IQCM: variants seen among roughly 807,000 people sequenced by gnomAD.
The protein encoded by IQCM is IQ motif containing M.
In IQCM, 45 loss-of-function variants were observed where a neutral mutation model predicts 57.6. The ratio of observed to expected loss-of-function variants is 0.78; its 90% CI spans 0.62 to 1.00. The LOEUF is 1.00. Among genes scored for constraint, IQCM ranks in the 50% least tolerant of loss-of-function variants. IQCM has a pLI of 0.00. For missense variants in IQCM, 468 were observed against 511.6 expected (o/e 0.91, Z 0.82); for synonymous variants, 148 against 158.9 (o/e 0.93, Z 0.51).
chr4:149,543,913 A>G lies in IQCM; in HGVS notation c.1228+4542T>C, dbSNP rs76113664. 2.4e-4 allele frequency among the ~76,000 whole-genome samples: 36 copies of G among 152,306 alleles called. No homozygotes were observed. In the East Asian group the frequency reaches 6.9e-3, roughly 29 times the overall value. On this transcript the variant is annotated intron_variant, in intron 12 of 13. Transcript: ENST00000636793. ...GATGCTTCTACAAATAGGTGAACAAATATTTATCAAAGTCTAAAAAATTGT... is the reference window on the plus strand; with the variant it reads ...GATGCTTCTACAAATAGGTGAACAAGTATTTATCAAAGTCTAAAAAATTGT...
intron 12 of IQCM, among the ~76,000 whole-genome samples, chr4:149,544,619 G>T (rs1748194982): frequency 6.6e-6 from 1 of 152,120 alleles, no homozygotes; most frequent in South Asian, 2.1e-4. Context: ...AAAGCTAGTG[G>T]CAACACATTT....
At chr4:149,602,304 C>T (rs1754388500) in intron 8 of IQCM, among the ~76,000 whole-genome samples, 1 of 152,046 alleles carries the variant, frequency 6.6e-6, no homozygotes, top group African/African-American at 2.4e-5. Context: ...CAATTCAGAA[C>T]CTCGAATACT....
intron 12 of IQCM, among the ~76,000 whole-genome samples, chr4:149,497,198 C>T (rs1369418723): frequency 6.6e-6 from 1 of 152,048 alleles, no homozygotes; most frequent in Non-Finnish European, 1.5e-5. Flanking sequence ...CAGCTGGATC[C>T]TGGGCTTTCT....
In IQCM at chr4:149,636,403, G is replaced by A. The variant is rs573478283; in HGVS notation, c.566-15159C>T. 1.5e-3 allele frequency among the ~76,000 whole-genome samples: 236 copies of A among 152,264 alleles called. 1 individual carries two copies. The highest frequency in any genetic ancestry group is 5.5e-3 in the African/African-American group (229 of 41,554). On this transcript the variant is annotated intron_variant, in intron 7 of 13. Coordinates refer to ENST00000636793, the MANE Select transcript of IQCM (RefSeq NM_001363507.2). ...CCTACTCTTACGTAGGGCTTCCACT[G>A]ACTGGCAACAAGAAAGACTGGTGGC...
At chr4:149,625,297 T>G (rs1224920829) in intron 7 of IQCM, among the ~76,000 whole-genome samples, 1 of 152,222 alleles carries the variant, frequency 6.6e-6, no homozygotes, top group African/African-American at 2.4e-5. Flanking sequence ...CCACCTTCTT[T>G]TGTTTGTTTA....
At position 149,724,853 on chromosome 4, in the gene IQCM, T is replaced by C. The variant is rs377059289; in HGVS notation, c.385+8391A>G. On this transcript the variant is annotated intron_variant, in intron 5 of 13. Coordinates refer to ENST00000636793, the MANE Select transcript of IQCM (RefSeq NM_001363507.2). The stretch of plus-strand genomic sequence containing the variant: ...ACTAACATTAATATTTTATATATAT[T>C]ACAAAAACATTGATTTTACATGAAA... 5.3e-5 allele frequency among the ~76,000 whole-genome samples: 8 copies of C among 152,042 alleles called. No individual in the cohort carries two copies. In the East Asian group the frequency reaches 5.8e-4, roughly 11 times the overall value.
At chr4:149,676,090 A>G (rs1163451994) in intron 7 of IQCM, among the ~76,000 whole-genome samples, 1 of 152,086 alleles carries the variant, frequency 6.6e-6, no homozygotes, top group Non-Finnish European at 1.5e-5. Flanking sequence ...CAAAAGCTTT[A>G]CAATGATCAG....
At chr4:149,369,674 C>T (rs545979514) in intron 13 of IQCM, among the ~76,000 whole-genome samples, 1 of 152,140 alleles carries the variant, frequency 6.6e-6, no homozygotes, top group South Asian at 2.1e-4. Context: ...AAGAAATAAT[C>T]ATAAGAAAAT....
At chr4:149,435,558 C>T (rs149565457) in intron 12 of IQCM, among the ~76,000 whole-genome samples, 2,126 of 150,210 alleles carry the variant, frequency 0.014, 39 homozygotes, top group Non-Finnish European at 0.02. Context: ...TTACAGTGTA[C>T]TCCTTCTACT....
intron 5 of IQCM, chr4:149,690,902 T>G (rs1277705209): frequency 6.6e-6 from 1 of 152,076 alleles, no homozygotes; most frequent in African/African-American, 2.4e-5. Context: ...CAGGACTCCA[T>G]TATTTTTTAC....
intron 8 of IQCM, among the ~76,000 whole-genome samples, chr4:149,601,444 T>C (rs1754287149): frequency 6.6e-6 from 1 of 152,146 alleles, no homozygotes; most frequent in Admixed American, 6.5e-5. Context: ...GCTGTACATG[T>C]TCAGTACAGA....
At chr4:149,754,677 T>C (rs1442328080) in intron 2 of IQCM, among the ~76,000 whole-genome samples, 1 of 152,196 alleles carries the variant, frequency 6.6e-6, no homozygotes, top group Non-Finnish European at 1.5e-5. Flanking sequence ...TACTTCCTTC[T>C]CAGTCTCTTA....
At chr4:149,486,033 C>A (rs866048168) in intron 12 of IQCM, among the ~76,000 whole-genome samples, 4,948 of 149,702 alleles carry the variant, frequency 0.033, 128 homozygotes, top group Non-Finnish European at 0.049. Context: ...CTCTCTCTCT[C>A]TCTCTCTCTC....
chr4:149,479,190 C>T (rs187972434), intron 12 of IQCM, among the ~76,000 whole-genome samples: 29 of 152,282 alleles, frequency 1.9e-4, no homozygotes, highest in Admixed American at 1.2e-3. Context: ...ATGACAATGA[C>T]TGGTTACATT....
chr4:149,547,476 C>A (rs1055950498), intron 12 of IQCM, among the ~76,000 whole-genome samples: 10 of 152,086 alleles, frequency 6.6e-5, no homozygotes, highest in Non-Finnish European at 1.2e-4. Flanking sequence ...TGGCAGTTGC[C>A]AGGGCTGAGG....
chr4:149,479,508 A>T (rs1381145345), intron 12 of IQCM, among the ~76,000 whole-genome samples: 1 of 152,170 alleles, frequency 6.6e-6, no homozygotes, highest in East Asian at 1.9e-4. Flanking sequence ...AGAAATAGGC[A>T]CTCTTATTAT....
chr4:149,416,130 G>A (rs1401329310), intron 13 of IQCM, among the ~76,000 whole-genome samples: 1 of 151,986 alleles, frequency 6.6e-6, no homozygotes. Context: ...AAAAAACCTG[G>A]TTAGCACTAA....
intron 7 of IQCM, among the ~76,000 whole-genome samples, chr4:149,669,324 G>A (rs1317468282): frequency 1.3e-5 from 2 of 151,740 alleles, no homozygotes; most frequent in African/African-American, 4.8e-5. Flanking sequence ...TTTTGATGGG[G>A]TTGATTTTTT....
intron 12 of IQCM, among the ~76,000 whole-genome samples, chr4:149,508,666 T>C (rs1482030721): frequency 6.6e-6 from 1 of 152,208 alleles, no homozygotes; most frequent in East Asian, 1.9e-4. Flanking sequence ...GGACTTGCCT[T>C]GCCTCAGATG....
Sources: gnomAD v4.1 joint callset for allele counts (sites outside exome capture counted in the v4.1 genomes callset) on GRCh38, gnomAD v4.1.1 for gene constraint, MANE v1.5 for transcripts, NCBI Gene and HGNC (gene_info 2026-07-23, HGNC 2026-07-21) for gene names.